The following ATF3 variants were observed in gnomAD, a reference collection of about 807,000 sequenced individuals.
ATF3 encodes activating transcription factor 3, also known as cyclic AMP-dependent transcription factor ATF-3.
Under a neutral mutation model 18.4 loss-of-function variants are expected in ATF3, and 10 were observed. The ratio of observed to expected loss-of-function variants is 0.54; its 90% CI spans 0.34 to 0.92. The LOEUF (loss-of-function observed/expected upper bound fraction) is 0.92, where lower values mean the gene tolerates loss of function less well. Among genes scored for constraint, ATF3 ranks in the 40% least tolerant of loss-of-function variants. The pLI is 0.02. For synonymous variants in ATF3, 78 were observed against 87.9 expected (o/e 0.89, Z 0.63); for missense variants, 183 against 222.3 (o/e 0.82, Z 1.12).
chr1:212,591,063 C>G (rs1055903943), intron 1 of ATF3, among the ~76,000 whole-genome samples: 1 of 152,246 alleles, frequency 6.6e-6, no homozygotes, highest in Non-Finnish European at 1.5e-5. Flanking sequence ...TTTCAGCCGC[C>G]TCTTCCCCTG....
At chr1:212,605,650 G>A (rs1396116303), upstream of ATF3, among the ~76,000 whole-genome samples, 1 of 152,226 alleles carries the variant, frequency 6.6e-6, no homozygotes, top group African/African-American at 2.4e-5. Flanking sequence ...TTTTGCGTTT[G>A]GCTCCCTGCA....
At chr1:212,589,595 T>C (rs1349595908) in intron 1 of ATF3, among the ~76,000 whole-genome samples, 1 of 151,480 alleles carries the variant, frequency 6.6e-6, no homozygotes, top group Non-Finnish European at 1.5e-5. Flanking sequence ...GGCAGGAGAA[T>C]CGCTTGACCC....
intron 1 of ATF3, among the ~76,000 whole-genome samples, chr1:212,587,224 C>G (rs145832936): frequency 6.6e-6 from 1 of 152,128 alleles, no homozygotes; most frequent in Admixed American, 6.5e-5. Context: ...TAATACCGTG[C>G]TTAAATTATA....
At chr1:212,582,560 GA>G (rs1288632800) in intron 1 of ATF3, among the ~76,000 whole-genome samples, 1 of 152,198 alleles carries the variant, frequency 6.6e-6, no homozygotes, top group Non-Finnish European at 1.5e-5. Flanking sequence ...CATGTCGCAA[GA>G]AAGTCAGTAA....
chr1:212,572,242 C>T (rs1664497731), intron 1 of ATF3, among the ~76,000 whole-genome samples: 1 of 152,086 alleles, frequency 6.6e-6, no homozygotes, highest in Non-Finnish European at 1.5e-5. Context: ...TGTTGCCGGG[C>T]GTGGTGGTTC....
At chr1:212,581,234 C>T (rs1018648755) in intron 1 of ATF3, among the ~76,000 whole-genome samples, 2 of 152,160 alleles carry the variant, frequency 1.3e-5, no homozygotes, top group East Asian at 1.9e-4. Context: ...GCAGGTCTGC[C>T]GGCCCCTGCA....
intron 1 of ATF3, among the ~76,000 whole-genome samples, chr1:212,583,864 G>A (rs1337698705): frequency 6.6e-6 from 1 of 152,142 alleles, no homozygotes; most frequent in African/African-American, 2.4e-5. Context: ...TCTACCATGT[G>A]GCATTGTTGT....
chr1:212,576,511 C>T (rs1303829739), intron 1 of ATF3, among the ~76,000 whole-genome samples: 1 of 151,478 alleles, frequency 6.6e-6, no homozygotes, highest in Non-Finnish European at 1.5e-5. Context: ...GAACACTTTA[C>T]TTATTTATTG....
intron 1 of ATF3, among the ~76,000 whole-genome samples, chr1:212,596,551 T>C (rs1664998311): frequency 6.6e-6 from 1 of 152,200 alleles, no homozygotes; most frequent in African/African-American, 2.4e-5. Flanking sequence ...TCACTTTGTG[T>C]TTCCTTTGGT....
At chr1:212,567,392 G>T (rs2102617526) in intron 1 of ATF3, among the ~76,000 whole-genome samples, 1 of 152,282 alleles carries the variant, frequency 6.6e-6, no homozygotes, top group East Asian at 1.9e-4. Flanking sequence ...GTTAACAGCT[G>T]CAATGAGTGA....
intron 1 of ATF3, among the ~76,000 whole-genome samples, chr1:212,566,831 A>G (rs932178913): frequency 6.6e-5 from 10 of 152,272 alleles, no homozygotes; most frequent in Admixed American, 4.6e-4. Context: ...GCCCAAGAGG[A>G]TGCACCTCCT....
chr1:212,609,681 TG>T (rs1177724632), intron 1 of ATF3, among the ~76,000 whole-genome samples: 1 of 152,328 alleles, frequency 6.6e-6, no homozygotes, highest in African/African-American at 2.4e-5. Flanking sequence ...CCCACACACC[TG>T]GGACTCTCAC....
Position 212,619,632 on chromosome 1 carries a change from G to A in ATF3, c.*77G>A. On this transcript the variant is annotated 3_prime_UTR_variant, in exon 4 of 4. Transcript: ENST00000341491. The surrounding 1 kb of genome is among the most constrained non-coding windows in gnomAD (Gnocchi z 4.4). ...TACCCAAAACCCTGAAGCCATTGGA[G>A]AGCTGTCTTCCTGTGTACCTCTAGA... 6.4e-7 allele frequency: 1 copy of A among 1,562,910 alleles called. No individual in the cohort carries two copies. Among genetic ancestry groups the A allele is most frequent in the Non-Finnish European group, 8.7e-7 (1 of 1,149,354 alleles).
At chr1:212,588,017 G>T (rs1426754208) in intron 1 of ATF3, among the ~76,000 whole-genome samples, 1 of 151,492 alleles carries the variant, frequency 6.6e-6, no homozygotes, top group Non-Finnish European at 1.5e-5. Flanking sequence ...GGGTGACAGC[G>T]ATTATGGGAG....
chr1:212,611,290 G>T (rs747432354), intron 1 of ATF3, among the ~76,000 whole-genome samples: 4 of 152,232 alleles, frequency 2.6e-5, no homozygotes, highest in Admixed American at 6.5e-5. Context: ...TGTCTTGAAG[G>T]TTCCAGTTAA....
At chr1:212,616,237 AGAAGG>A (rs1655117914) in intron 2 of ATF3, among the ~76,000 whole-genome samples, 1 of 152,050 alleles carries the variant, frequency 6.6e-6, no homozygotes, top group South Asian at 2.1e-4. Context: ...GGGAAACCAC[AGAAGG>A]CTTTTGAGCA....
At chr1:212,613,229 C>T (rs976937558) in intron 1 of ATF3, among the ~76,000 whole-genome samples, 4 of 152,102 alleles carry the variant, frequency 2.6e-5, no homozygotes, top group African/African-American at 4.8e-5. Flanking sequence ...CAGTTTATCC[C>T]GAGGAATCTT....
At chr1:212,580,110 A>G (rs1336466890) in intron 1 of ATF3, among the ~76,000 whole-genome samples, 1 of 151,666 alleles carries the variant, frequency 6.6e-6, no homozygotes, top group East Asian at 2.0e-4. Context: ...GTGAGCCGAG[A>G]TCGAGCCATT....
chr1:212,580,732 G>A (rs967291816), intron 1 of ATF3, among the ~76,000 whole-genome samples: 1 of 152,154 alleles, frequency 6.6e-6, no homozygotes, highest in Non-Finnish European at 1.5e-5. Context: ...TTGTGACATT[G>A]TCTAGGATTT....
Sources: allele counts gnomAD v4.1 joint callset (sites outside exome capture counted in the v4.1 genomes callset), GRCh38; gene constraint gnomAD v4.1.1; non-coding constraint Gnocchi (gnomAD v3.1); transcripts MANE v1.5; gene names NCBI Gene and HGNC (gene_info 2026-07-23, HGNC 2026-07-21).